Variants in SRGAP3 observed in about 807,000 individuals in gnomAD.
The protein encoded by SRGAP3 is SLIT-ROBO Rho GTPase-activating protein 3.
In SRGAP3, 39 loss-of-function variants were observed where a neutral mutation model predicts 121.1. The observed-to-expected ratio is 0.32, with a 90% CI of 0.25 to 0.42. The LOEUF (loss-of-function observed/expected upper bound fraction) is 0.42, where lower values mean the gene tolerates loss of function less well. Among genes scored for constraint, SRGAP3 ranks in the 10% least tolerant of loss-of-function variants. The pLI, the probability that SRGAP3 is intolerant of heterozygous loss-of-function variation, is 1.00. For missense variants in SRGAP3, 1,213 were observed against 1,470.6 expected (o/e 0.82, Z 2.86); for synonymous variants, 601 against 570.0 (o/e 1.05, Z -0.77).
Position 9,333,127 on chromosome 3 carries a change from T to C in SRGAP3, n.215-2531A>G, listed in dbSNP as rs1434802838. ...TAATCAAATTATTAAATTAAAATTATAGTCTACTTTTTAAAGCTTGTTATT... is the reference window on the plus strand; with the variant it reads ...TAATCAAATTATTAAATTAAAATTACAGTCTACTTTTTAAAGCTTGTTATT... On this transcript the variant is annotated intron_variant and non_coding_transcript_variant, in intron 1 of 3. Transcript: ENST00000490889. Among the ~76,000 whole-genome samples the C allele has an allele frequency of 2.0e-5, 3 of 152,220 alleles. 1 individual carries two copies. Among genetic ancestry groups the C allele is most frequent in the African/African-American group, 7.2e-5 (3 of 41,448 alleles).
At chr3:9,027,305 G>C (rs1044823962) in intron 12 of SRGAP3, among the ~76,000 whole-genome samples, 3 of 152,206 alleles carry the variant, frequency 2.0e-5, no homozygotes, top group Admixed American at 2.0e-4. Flanking sequence ...CCACCTCGGG[G>C]GGGTGCTGGA....
intron 1 of SRGAP3, among the ~76,000 whole-genome samples, chr3:9,362,491 T>C (rs968574473): frequency 2.0e-5 from 3 of 151,194 alleles, no homozygotes; most frequent in Non-Finnish European, 4.4e-5. Context: ...AGAAATAAAG[T>C]TCATCTGATT....
At chr3:9,179,087 G>A (rs776209684) in intron 1 of SRGAP3, among the ~76,000 whole-genome samples, 4 of 152,090 alleles carry the variant, frequency 2.6e-5, no homozygotes, top group Non-Finnish European at 5.9e-5. Context: ...GTAACTTCAG[G>A]ACACCATACA....
intron 1 of SRGAP3, among the ~76,000 whole-genome samples, chr3:9,157,459 C>T (rs1173605559): frequency 6.6e-6 from 1 of 152,184 alleles, no homozygotes; most frequent in Non-Finnish European, 1.5e-5. Flanking sequence ...ACCATAAGAG[C>T]AACTTAAAGA....
chr3:9,261,625 A>C (rs1954257336), intron 3 of SRGAP3, among the ~76,000 whole-genome samples: 1 of 151,650 alleles, frequency 6.6e-6, no homozygotes. Flanking sequence ...ACTTAATGAA[A>C]TAAGCATGAA....
chr3:9,183,209 T>C (rs1321960356), intron 1 of SRGAP3, among the ~76,000 whole-genome samples: 2 of 152,212 alleles, frequency 1.3e-5, no homozygotes, highest in African/African-American at 4.8e-5. Flanking sequence ...TGATGCCACA[T>C]TGTTTTAAAT....
rs1174016976 is a variant in SRGAP3 at position 8,985,489 on chromosome 3, G to A, written c.*30C>T. The A allele has an allele frequency of 1.2e-5, 19 of 1,597,142 alleles. 1 individual carries two copies. The highest frequency in any genetic ancestry group is 6.6e-5 in the South Asian group (6 of 90,838). ...ACCCTGGGCCGTGGTGAGCCACAGC[G>A]GGCCACGGCGGCGCGGCCCATCCTG... On this transcript the variant is annotated 3_prime_UTR_variant, in exon 22 of 22. Coordinates refer to ENST00000383836, the MANE Select transcript of SRGAP3 (RefSeq NM_014850.4). This position sits in a 1 kb window ranked among gnomAD's most constrained non-coding sequence, Gnocchi z 5.1.
At chr3:9,226,524 C>T (rs1952993841) in intron 1 of SRGAP3, among the ~76,000 whole-genome samples, 1 of 152,152 alleles carries the variant, frequency 6.6e-6, no homozygotes, top group Admixed American at 6.5e-5. Flanking sequence ...GTCTTCCAGA[C>T]ACTAGACTTC....
At chr3:8,999,670 G>A (rs1942630270) in intron 18 of SRGAP3, among the ~76,000 whole-genome samples, 1 of 152,184 alleles carries the variant, frequency 6.6e-6, no homozygotes, top group Non-Finnish European at 1.5e-5. Context: ...TCTTCCCTGT[G>A]ATGAGAGTAA....
intron 8 of SRGAP3, among the ~76,000 whole-genome samples, chr3:9,054,849 A>C (rs1945745426): frequency 1.3e-5 from 2 of 152,206 alleles, no homozygotes; most frequent in Admixed American, 6.5e-5. Context: ...TACTTGAATA[A>C]ATATTGTTGA....
chr3:9,118,214 T>A (rs1260653050), intron 2 of SRGAP3, among the ~76,000 whole-genome samples: 8 of 152,146 alleles, frequency 5.3e-5, no homozygotes, highest in Non-Finnish European at 1.2e-4. Flanking sequence ...TCAACAGGCT[T>A]AATTATTACA....
intron 3 of SRGAP3, among the ~76,000 whole-genome samples, chr3:9,263,417 T>C (rs1163315524): frequency 6.7e-6 from 1 of 150,212 alleles, no homozygotes; most frequent in Non-Finnish European, 1.5e-5. Flanking sequence ...CAAAAAAAAA[T>C]CAATGAATCC....
At chr3:9,156,675 G>C (rs1033135259) in intron 1 of SRGAP3, among the ~76,000 whole-genome samples, 2 of 152,178 alleles carry the variant, frequency 1.3e-5, no homozygotes, top group Admixed American at 1.3e-4. Flanking sequence ...TTCCCTTAAT[G>C]TATTCCAGGG....
At chr3:9,226,605 T>G (rs1473617027) in intron 1 of SRGAP3, among the ~76,000 whole-genome samples, 1 of 152,232 alleles carries the variant, frequency 6.6e-6, no homozygotes, top group Admixed American at 6.5e-5. Context: ...CAAAACTCAC[T>G]GTCAACGAGA....
At chr3:9,037,891 A>G in intron 11 of SRGAP3, 172 bp downstream of exon 11, 1 of 845,904 alleles carries the variant, frequency 1.2e-6, no homozygotes, top group Non-Finnish European at 1.9e-6. Flanking sequence ...GTCTAATGCT[A>G]GAACAAGCAA....
intron 14 of SRGAP3, among the ~76,000 whole-genome samples, chr3:9,019,780 C>T (rs376978704): frequency 2.0e-4 from 30 of 152,318 alleles, no homozygotes; most frequent in African/African-American, 7.0e-4. Context: ...AGTTCAGTTC[C>T]CATCTGTTCT....
intron 1 of SRGAP3, among the ~76,000 whole-genome samples, chr3:9,137,330 T>C (rs1466260251): frequency 6.6e-6 from 1 of 152,282 alleles, no homozygotes; most frequent in East Asian, 1.9e-4. Flanking sequence ...AAGGCTTCCC[T>C]GAAGCAAATT....
chr3:9,165,686 G>T (rs1040342909), intron 1 of SRGAP3, among the ~76,000 whole-genome samples: 1 of 151,988 alleles, frequency 6.6e-6, no homozygotes, highest in Non-Finnish European at 1.5e-5. Context: ...CCTCCTCCTT[G>T]CCACCTCCAC....
At chr3:9,047,312 G>A in intron 10 of SRGAP3, 79 bp downstream of exon 10, 1 of 1,458,954 alleles carries the variant, frequency 6.9e-7, no homozygotes, top group East Asian at 2.3e-5. Flanking sequence ...AGCCTGAACA[G>A]CTCAACACGT....
Sources: gnomAD v4.1 joint callset for allele counts (sites outside exome capture counted in the v4.1 genomes callset) on GRCh38, gnomAD v4.1.1 for gene constraint, Gnocchi (gnomAD v3.1) non-coding constraint, MANE v1.5 for transcripts, NCBI Gene and HGNC (gene_info 2026-07-23, HGNC 2026-07-21) for gene names.